The following EDEM3 variants were observed in gnomAD, a reference collection of about 807,000 sequenced individuals.
EDEM3 encodes the protein ER degradation-enhancing alpha-mannosidase-like protein 3.
A neutral mutation model predicts 110.2 loss-of-function variants in EDEM3; 60 were observed. That is an observed-to-expected ratio of 0.54 (90% confidence interval 0.44 to 0.67). The LOEUF (loss-of-function observed/expected upper bound fraction) is 0.67. Ranked by LOEUF, EDEM3 falls within the 30% of genes least tolerant of loss-of-function variation. The pLI is 0.00. For synonymous variants in EDEM3, 352 were observed against 382.9 expected (o/e 0.92, Z 0.94); for missense variants, 996 against 1,121.0 (o/e 0.89, Z 1.59).
At chr1:184,710,343 C>T in intron 16 of EDEM3, 51 bp downstream of exon 16, 1 of 1,580,762 alleles carries the variant, frequency 6.3e-7, no homozygotes. Flanking sequence ...GCTAATGCGA[C>T]CAAAGAAAGC....
At chr1:184,743,326 CTTCACA>C (rs1312449030) in intron 2 of EDEM3, among the ~76,000 whole-genome samples, 1 of 152,088 alleles carries the variant, frequency 6.6e-6, no homozygotes, top group Non-Finnish European at 1.5e-5. Context: ...CCTCCTCTCT[CTTCACA>C]GTTTATTGTT....
intron 2 of EDEM3, among the ~76,000 whole-genome samples, chr1:184,746,757 G>A (rs557125494): frequency 2.4e-4 from 36 of 152,242 alleles, no homozygotes; most frequent in African/African-American, 8.4e-4. Context: ...TTCCTGGGAA[G>A]CAAGAAGGTT....
intron 2 of EDEM3, among the ~76,000 whole-genome samples, chr1:184,742,705 C>T (rs891203108): frequency 2.0e-5 from 3 of 152,146 alleles, no homozygotes; most frequent in African/African-American, 7.2e-5. Context: ...TACTTTTACA[C>T]GTATCTTTTC....
chr1:184,754,823 C>A lies in EDEM3; in HGVS notation c.-177G>T. 3.9e-6 allele frequency: 4 copies of A among 1,031,314 alleles called. No individual in the cohort carries two copies. Among genetic ancestry groups the A allele is most frequent in the South Asian group, 1.8e-5 (1 of 54,362 alleles). The allele number at this position is 1,031,314 out of a possible 1,614,324, so 63.9% of individuals were successfully genotyped here. ...CCACCAAGCCGGTCCCCAGCGCCAG[C>A]GCTGCCACCGCCCTCCGCCCTCAGT... is the stretch of plus-strand genomic sequence containing the variant. On this transcript the variant is annotated 5_prime_UTR_variant, in exon 1 of 20. Coordinates refer to ENST00000318130, the MANE Select transcript of EDEM3 (RefSeq NM_025191.4).
In EDEM3 at chr1:184,717,005, C is replaced by T. The variant is rs1486058714; in HGVS notation, c.1253G>A (p.Gly418Glu). 1 of 1,607,890 alleles carries T rather than the reference C, an allele frequency of 6.2e-7. No individual in the cohort carries two copies. Among genetic ancestry groups the T allele is most frequent in the African/African-American group, 1.3e-5 (1 of 74,662 alleles). ...ESTYFLYKAT[G>E]DPYYLEVGKT... ...CCCTACTTCAAGGTAGTAAGGATCT[C>T]CTGTAGCCTATTAAAAAGGAGAATA... is the stretch of plus-strand genomic sequence containing the variant. The change falls in exon 13 of 20, where the codon GGA becomes GAA. Residue 418 changes from glycine to glutamate, a missense_variant. By Grantham distance (98) the Gly-to-Glu change is moderately conservative (BLOSUM62 -2). This residue lies in a region of EDEM3 where 310 missense variants were observed against 394.6 expected (regional missense o/e 0.79). Transcript: ENST00000318130.
chr1:184,747,303 C>A (rs1486553421), intron 2 of EDEM3, among the ~76,000 whole-genome samples: 1 of 152,102 alleles, frequency 6.6e-6, no homozygotes, highest in African/African-American at 2.4e-5. Flanking sequence ...GAACTCAAGC[C>A]CTTCTAACTC....
chr1:184,710,729 A>G (rs182519960), intron 15 of EDEM3, among the ~76,000 whole-genome samples, 182 bp from the exon 16 acceptor site: 5 of 152,368 alleles, frequency 3.3e-5, no homozygotes, highest in Admixed American at 2.0e-4. Context: ...GCTTTCAAAT[A>G]TAACATTTTC....
intron 9 of EDEM3, among the ~76,000 whole-genome samples, chr1:184,720,319 G>T: frequency 6.7e-6 from 1 of 150,102 alleles, no homozygotes; most frequent in Non-Finnish European, 1.5e-5. Context: ...ATTGAATATT[G>T]GCCATAGGTT....
chr1:184,721,071 C>T (rs1358925597), intron 9 of EDEM3: 4 of 418,928 alleles, frequency 9.5e-6, no homozygotes, highest in African/African-American at 4.2e-5. Flanking sequence ...TGCAAAGTTT[C>T]TGATAAAAGG....
chr1:184,694,574 GAA>G (rs1245003499), intron 19 of EDEM3, 102 bp from the exon 20 acceptor site: 5 of 1,123,732 alleles, frequency 4.4e-6, no homozygotes, highest in Non-Finnish European at 6.1e-6. Context: ...AATAAAACGT[GAA>G]AGAGACTCAT....
In EDEM3 at chr1:184,726,693, A is replaced by T. The variant is rs74372031; in HGVS notation, c.613-304T>A. ...TTATAATCCAAGGGAAATTACACAGAGAAGGTATCTTTTATAACAATTTTG... is the reference window on the plus strand; with the variant it reads ...TTATAATCCAAGGGAAATTACACAGTGAAGGTATCTTTTATAACAATTTTG... On this transcript the variant is annotated intron_variant, in intron 6 of 19. Transcript: ENST00000318130. Among the ~76,000 whole-genome samples, 424 of 152,332 alleles carry T rather than the reference A, an allele frequency of 2.8e-3. 4 individuals carry two copies. In the East Asian group the frequency reaches 0.035, roughly 13 times the overall value.
intron 4 of EDEM3, among the ~76,000 whole-genome samples, chr1:184,736,808 C>T (rs1651850120): frequency 6.6e-6 from 1 of 152,156 alleles, no homozygotes; most frequent in Non-Finnish European, 1.5e-5. Context: ...ATTACATAAG[C>T]TGACATCCCC....
At chr1:184,738,900 T>C (rs1651979203) in intron 2 of EDEM3, among the ~76,000 whole-genome samples, 1 of 152,184 alleles carries the variant, frequency 6.6e-6, no homozygotes, top group African/African-American at 2.4e-5. Flanking sequence ...TTTCACCTTA[T>C]GGTTTCTGGC....
At chr1:184,711,113 T>C (rs1650203404) in intron 15 of EDEM3, among the ~76,000 whole-genome samples, 2 of 152,256 alleles carry the variant, frequency 1.3e-5, no homozygotes, top group South Asian at 4.1e-4. Context: ...ATTTTTTTTT[T>C]TTGAGATGGA....
chr1:184,739,900 T>C (rs1652041386), intron 2 of EDEM3, among the ~76,000 whole-genome samples: 1 of 152,082 alleles, frequency 6.6e-6, no homozygotes, highest in Non-Finnish European at 1.5e-5. Flanking sequence ...ACATGGGTAT[T>C]AGGAATAAAG....
At chr1:184,698,645 A>G (rs1365632337) in intron 19 of EDEM3, among the ~76,000 whole-genome samples, 1 of 151,916 alleles carries the variant, frequency 6.6e-6, no homozygotes, top group Non-Finnish European at 1.5e-5. Context: ...AGTTTTTAAT[A>G]CACTTCTGGA....
At chr1:184,739,168 A>C (rs1651994494) in intron 2 of EDEM3, among the ~76,000 whole-genome samples, 1 of 151,250 alleles carries the variant, frequency 6.6e-6, no homozygotes, top group African/African-American at 2.4e-5. Flanking sequence ...GTATTTATTC[A>C]TTCTACAGAT....
At chr1:184,721,418 A>T (rs1558055976) in intron 8 of EDEM3, 32 bp from the exon 9 acceptor site, 5 of 1,548,802 alleles carry the variant, frequency 3.2e-6, no homozygotes, top group South Asian at 2.4e-5. Flanking sequence ...TTTTCATTAA[A>T]TTTTTTTAAA....
chr1:184,724,335 G>A (rs1651074178), intron 7 of EDEM3, among the ~76,000 whole-genome samples: 1 of 152,096 alleles, frequency 6.6e-6, no homozygotes, highest in African/African-American at 2.4e-5. Flanking sequence ...AGTCATTTCA[G>A]ATCCTACTTT....
Sources: gnomAD v4.1 joint callset for allele counts (sites outside exome capture counted in the v4.1 genomes callset) on GRCh38, gnomAD v4.1.1 for gene constraint, gnomAD v4.1.1 regional missense constraint, MANE v1.5 for transcripts, NCBI Gene and HGNC (gene_info 2026-07-23, HGNC 2026-07-21) for gene names.